EIF2B3: variants seen among roughly 807,000 people sequenced by gnomAD.
EIF2B3 encodes eukaryotic translation initiation factor 2B subunit gamma, also known as translation initiation factor eIF2B subunit gamma.
A neutral mutation model predicts 54.1 loss-of-function variants in EIF2B3; 20 were observed. The ratio of observed to expected loss-of-function variants is 0.37; its 90% CI spans 0.26 to 0.54. The LOEUF (loss-of-function observed/expected upper bound fraction) is 0.54, where lower values mean the gene tolerates loss of function less well. EIF2B3 is among the 20% of genes least tolerant of loss of function. EIF2B3 has a pLI of 0.86. For synonymous variants in EIF2B3, 153 were observed against 188.1 expected, an observed-to-expected ratio of 0.81 and a Z score of 1.52; for missense variants, 448 against 547.8, an observed-to-expected ratio of 0.82 and a Z score of 1.82.
intron 5 of EIF2B3, among the ~76,000 whole-genome samples, chr1:44,923,872 T>C (rs922254138): frequency 1.3e-5 from 2 of 151,548 alleles, no homozygotes; most frequent in African/African-American, 4.8e-5. Context: ...AGTACAATCA[T>C]GGCTCACTGC....
intron 5 of EIF2B3, among the ~76,000 whole-genome samples, chr1:44,909,146 G>T (rs1052226273): frequency 6.6e-6 from 1 of 152,084 alleles, no homozygotes; most frequent in Non-Finnish European, 1.5e-5. Flanking sequence ...AGGAAATGAG[G>T]GGGGAAAAGA....
chr1:44,866,586 G>A (rs528476734), intron 10 of EIF2B3, among the ~76,000 whole-genome samples: 341 of 150,532 alleles, frequency 2.3e-3, no homozygotes, highest in Non-Finnish European at 4.3e-3. Context: ...ATGGAGTCTC[G>A]CTCTGTCATC....
intron 3 of EIF2B3, among the ~76,000 whole-genome samples, chr1:44,976,625 A>AT (rs1249780582): frequency 6.6e-6 from 1 of 152,210 alleles, no homozygotes; most frequent in Non-Finnish European, 1.5e-5. Context: ...TTTATGCATG[A>AT]TAGCCAAAAA....
Position 44,881,704 on chromosome 1 carries a change from T to C in EIF2B3, c.692A>G (p.Tyr231Cys). Residue 231 changes from tyrosine to cysteine, a missense_variant, in exon 7 of 12, where the codon TAT (tyrosine) becomes TGT (cysteine). This residue lies in a region of EIF2B3 where 350 missense variants were observed against 414.2 expected (regional missense o/e 0.85). Coordinates refer to ENST00000360403, the MANE Select transcript of EIF2B3 (RefSeq NM_020365.5). This position sits in a 1 kb window ranked among gnomAD's most constrained non-coding sequence, Gnocchi z 4.0. Reference protein sequence around the residue: ...ITSIRSELIPYLVRKQFSSAS... With the variant: ...ITSIRSELIPCLVRKQFSSAS... ...TGAGGAAAACTGTTTTCTCACTAAA[T>C]ATGGAATCAGTTCACTCCGGATAGA... 1 of 1,614,188 alleles carries C rather than the reference T, an allele frequency of 6.2e-7. No individual in the cohort carries two copies. Among genetic ancestry groups the C allele is most frequent in the South Asian group, 1.1e-5 (1 of 91,082 alleles).
At chr1:44,882,653 C>T (rs1655440732) in intron 6 of EIF2B3, among the ~76,000 whole-genome samples, 1 of 146,806 alleles carries the variant, frequency 6.8e-6, no homozygotes, top group South Asian at 2.2e-4. Context: ...CTTGCTCTAT[C>T]GCCCAGGCTG....
At chr1:44,986,142 T>C (rs1357581190) in intron 1 of EIF2B3, among the ~76,000 whole-genome samples, 4 of 108,496 alleles carry the variant, frequency 3.7e-5, no homozygotes, top group African/African-American at 6.3e-5. Flanking sequence ...TCTTTTCTTT[T>C]TTTTTTTTTT....
At chr1:44,986,062 A>G (rs1344375304) in intron 1 of EIF2B3, among the ~76,000 whole-genome samples, 2 of 151,994 alleles carry the variant, frequency 1.3e-5, no homozygotes, top group Non-Finnish European at 2.9e-5. Flanking sequence ...GGCGTCTGGT[A>G]CCGGTCTGGT....
chr1:44,907,980 C>T (rs1643447762), intron 5 of EIF2B3, among the ~76,000 whole-genome samples: 1 of 151,856 alleles, frequency 6.6e-6, no homozygotes, highest in Admixed American at 6.6e-5. Context: ...TGCAGCTCCT[C>T]CCATCATGAG....
chr1:44,887,666 C>T (rs184680890), intron 6 of EIF2B3, among the ~76,000 whole-genome samples: 172 of 152,284 alleles, frequency 1.1e-3, no homozygotes, highest in African/African-American at 3.8e-3. Context: ...AGGCCGGGCG[C>T]GATGGCTCAC....
intron 3 of EIF2B3, among the ~76,000 whole-genome samples, chr1:44,966,885 G>C (rs1285679581): frequency 2.0e-5 from 3 of 151,976 alleles, no homozygotes; most frequent in African/African-American, 7.2e-5. Context: ...GCAATGGCGC[G>C]ACCTCAGCTC....
rs115278660 is a variant in EIF2B3 at position 44,974,422 on chromosome 1, C to T, written c.294+3893G>A. 1.0e-2 allele frequency among the ~76,000 whole-genome samples: 1,483 copies of T among 149,030 alleles called. 24 individuals carry two copies. The highest frequency in any genetic ancestry group is 0.035 in the African/African-American group (1,404 of 40,434). ...TGGGGAGGTCGAGGTTACAGTGAGC[C>T]GTGATCGAGCCACTGCACTCCAGCC... On this transcript the variant is annotated intron_variant, in intron 3 of 11. Coordinates refer to ENST00000360403, the MANE Select transcript of EIF2B3 (RefSeq NM_020365.5).
At chr1:44,900,411 C>T (rs1195650639) in intron 5 of EIF2B3, among the ~76,000 whole-genome samples, 1 of 137,806 alleles carries the variant, frequency 7.3e-6, no homozygotes, top group Non-Finnish European at 1.5e-5. Flanking sequence ...CATGCCACTG[C>T]ACTCCAGCCT....
At chr1:44,978,581 G>T in intron 2 of EIF2B3, 121 bp from the exon 3 acceptor site, 5 of 776,274 alleles carry the variant, frequency 6.4e-6, no homozygotes, top group South Asian at 2.1e-5. Flanking sequence ...ATATTATTGT[G>T]CCTTTTCAAT....
intron 2 of EIF2B3, among the ~76,000 whole-genome samples, chr1:44,980,212 C>T (rs924006746): frequency 2.0e-5 from 3 of 152,030 alleles, no homozygotes; most frequent in African/African-American, 7.3e-5. Flanking sequence ...TGCCTGTAAT[C>T]CCAGCACTTT....
chr1:44,910,536 T>G (rs571209101), intron 5 of EIF2B3, among the ~76,000 whole-genome samples: 2 of 152,210 alleles, frequency 1.3e-5, no homozygotes, highest in South Asian at 4.1e-4. Context: ...GATGACTAGC[T>G]TGCTGGGGAG....
In EIF2B3 at chr1:44,874,672, A is replaced by G. The variant is rs888022536; in HGVS notation, c.1202+6T>C. 6.2e-7 allele frequency: 1 copy of G among 1,613,982 alleles called. No homozygotes were observed. Among genetic ancestry groups the G allele is most frequent in the East Asian group, 2.2e-5 (1 of 44,892 alleles). On this transcript the variant is annotated splice_donor_region_variant and intron_variant, in intron 10 of 11. Transcript: ENST00000360403. ...TTGCCTCAAGTGGGTACAGGGGGAAACATACCCTTCCTCCACAGTGACTGA... is the reference window on the plus strand; with the variant it reads ...TTGCCTCAAGTGGGTACAGGGGGAAGCATACCCTTCCTCCACAGTGACTGA...
At chr1:44,967,597 G>A (rs192716544) in intron 3 of EIF2B3, among the ~76,000 whole-genome samples, 9 of 151,354 alleles carry the variant, frequency 5.9e-5, no homozygotes, top group East Asian at 5.9e-4. Flanking sequence ...AAAATTAGCC[G>A]GGTGTGGTGG....
chr1:44,875,722 A>G (rs1255208490), intron 8 of EIF2B3, 27 bp from the exon 9 acceptor site: 1 of 1,598,770 alleles, frequency 6.3e-7, no homozygotes. Context: ...TGGTCACTAA[A>G]GATCAGAAAA....
chr1:44,978,483 A>T (rs770531078), intron 2 of EIF2B3, 23 bp from the exon 3 acceptor site: 1 of 1,608,406 alleles, frequency 6.2e-7, no homozygotes, highest in African/African-American at 1.3e-5. Flanking sequence ...AGAAAAAAAG[A>T]AAGAAAAACA....
Sources: allele counts gnomAD v4.1 joint callset (sites outside exome capture counted in the v4.1 genomes callset), GRCh38; gene constraint gnomAD v4.1.1; regional missense constraint gnomAD v4.1.1; non-coding constraint Gnocchi (gnomAD v3.1); transcripts MANE v1.5; gene names NCBI Gene and HGNC (gene_info 2026-07-23, HGNC 2026-07-21).